Variants in IQCF3 observed in about 807,000 individuals in gnomAD.
IQCF3 encodes IQ motif containing F3, also known as IQ domain-containing protein F3.
Under a neutral mutation model 5.1 loss-of-function variants are expected in IQCF3, and 7 were observed. The ratio of observed to expected loss-of-function variants is 1.36; its 90% CI spans 0.78 to 2.56. The LOEUF is 2.56. IQCF3 is among the 30% of genes most tolerant of loss of function. The pLI is 0.00. For missense variants in IQCF3, 189 were observed against 196.5 expected (o/e 0.96, Z 0.23); for synonymous variants, 82 against 72.8 (o/e 1.13, Z -0.64).
At chr3:51,829,584 A>T (rs1460220416) in intron 1 of IQCF3, 81 bp from the exon 2 acceptor site, 1 of 1,594,814 alleles carries the variant, frequency 6.3e-7, no homozygotes, top group Non-Finnish European at 8.6e-7. Flanking sequence ...CCAGGCAAAG[A>T]ATGGGGAACT....
chr3:51,827,548 T>A (rs1460307593), upstream of IQCF3, among the ~76,000 whole-genome samples: 1 of 151,990 alleles, frequency 6.6e-6, no homozygotes, highest in South Asian at 2.1e-4. Context: ...ATAATTTTTA[T>A]AAATGCTAGA....
rs146014118 is a variant in IQCF3, at chr3:51,830,796, A to G, written c.460A>G (p.Ile154Val). 1.3e-6 allele frequency: 2 copies of G among 1,572,558 alleles called. No individual in the cohort carries two copies. The highest frequency in any genetic ancestry group is 2.2e-5 in the East Asian group (1 of 44,478). The change falls in exon 3 of 3, where the codon ATC becomes GTC. Residue 154 changes from isoleucine (I) to valine (V), a missense_variant. Physicochemically the swap from Ile to Val is conservative, Grantham distance 29 (BLOSUM62 3). Transcript: ENST00000440739. This position sits in a 1 kb window ranked among gnomAD's most constrained non-coding sequence, Gnocchi z 4.1. Reference sequence around the variant, plus strand: ...AGAGTTCCACATTGAAATCCTATCAATCTGAAAGGCCTGGGGCATGGAGAA... The same window carrying G: ...AGAGTTCCACATTGAAATCCTATCAGTCTGAAAGGCCTGGGGCATGGAGAA... ...QPEFHIEILS[I>V]
intron 2 of IQCF3, 146 bp downstream of exon 2, chr3:51,829,858 G>T: frequency 1.3e-6 from 1 of 770,430 alleles, no homozygotes; most frequent in Non-Finnish European, 2.1e-6. Context: ...AGTAAGGTAT[G>T]GAGATAGACA....
Position 51,829,647 on chromosome 3 carries a change from C to G in IQCF3, c.19-18C>G. 1 of 1,613,214 alleles carries G rather than the reference C, an allele frequency of 6.2e-7. No individual in the cohort carries two copies. The highest frequency in any genetic ancestry group is 8.5e-7 in the Non-Finnish European group (1 of 1,179,694). ...TGGTCCTCACCCATGCTCCCCCACACCCATATTCCGATTGCAGAAAGGTGG... is the reference window on the plus strand; with the variant it reads ...TGGTCCTCACCCATGCTCCCCCACAGCCATATTCCGATTGCAGAAAGGTGG... On this transcript the variant is annotated intron_variant, in intron 1 of 2. Transcript: ENST00000440739.
chr3:51,830,840 T>C lies in IQCF3; in HGVS notation c.*39T>C, dbSNP rs374525175. On this transcript the variant is annotated 3_prime_UTR_variant, in exon 3 of 3. Transcript: ENST00000440739. The surrounding 1 kb of genome is among the most constrained non-coding windows in gnomAD (Gnocchi z 4.1). ...TGGAGAACAGGCTGCACTACCCTAA[T>C]AAATGTCTGACCAGGTTGTGTGAGT... 2.6e-6 allele frequency: 4 copies of C among 1,518,164 alleles called. No individual in the cohort carries two copies. Among genetic ancestry groups the C allele is most frequent in the Admixed American group, 2.1e-5 (1 of 47,608 alleles). The allele number at this position is 1,518,164 out of a possible 1,614,324, so 94.0% of individuals were successfully genotyped here.
At position 51,830,004 on chromosome 3, in the gene IQCF3, C is replaced by G. The variant is rs1357945116; in HGVS notation, c.66+292C>G. On this transcript the variant is annotated intron_variant, in intron 2 of 2. Coordinates refer to ENST00000440739, the MANE Select transcript of IQCF3 (RefSeq NM_001393887.1). This position sits in a 1 kb window ranked among gnomAD's most constrained non-coding sequence, Gnocchi z 4.1. ...CCACAAAAGTGAGATGAGGGGAGACCCCAAAGGGCTGCAGCACCACGCAAG... is the reference window on the plus strand; with the variant it reads ...CCACAAAAGTGAGATGAGGGGAGACGCCAAAGGGCTGCAGCACCACGCAAG... The G allele has an allele frequency of 2.0e-6, 1 of 492,330 alleles. No homozygotes were observed. The highest frequency in any genetic ancestry group is 1.9e-5 in the African/African-American group (1 of 52,152). 30.5% of individuals were successfully genotyped at this position (492,330 alleles called of 1,614,324 possible).
upstream of IQCF3, chr3:51,828,353 A>G (rs1698317551): frequency 6.6e-6 from 1 of 152,124 alleles, no homozygotes; most frequent in South Asian, 2.1e-4. Flanking sequence ...TCCCTTCAGT[A>G]CCTAGTTTAT....
At position 51,830,474 on chromosome 3, in the gene IQCF3, G is replaced by A; in HGVS notation, c.138G>A (p.Gly46=). The A allele has an allele frequency of 6.2e-7, 1 of 1,608,656 alleles. No homozygotes were observed. The highest frequency in any genetic ancestry group is 8.5e-7 in the Non-Finnish European group (1 of 1,177,638). ...AAGQIQAWWR[G]VLVRRTLLVA... ...GGCAGATCCAGGCCTGGTGGCGTGG[G>A]GTCCTGGTGCGCAGGACCCTGCTGG... The change falls in exon 3 of 3, where the codon GGG becomes GGA. Residue 46 remains glycine, a synonymous_variant. Coordinates refer to ENST00000440739, the MANE Select transcript of IQCF3 (RefSeq NM_001393887.1). This position sits in a 1 kb window ranked among gnomAD's most constrained non-coding sequence, Gnocchi z 4.1.
At position 51,830,612 on chromosome 3, in the gene IQCF3, G is replaced by A. The variant is rs374017167; in HGVS notation, c.276G>A (p.Ala92=). The A allele has an allele frequency of 1.5e-4, 235 of 1,613,968 alleles. No homozygotes were observed. The African/African-American group carries it at 2.8e-3, about 19-fold the overall frequency. Residue 92 remains alanine (A), a synonymous_variant, in exon 3 of 3, where the codon GCG becomes GCA. Transcript: ENST00000440739. The surrounding 1 kb of genome is among the most constrained non-coding windows in gnomAD (Gnocchi z 4.1). ...LLRVYVIQEQ[A]TVKLQSCIRM... ...GGGTCTACGTCATCCAGGAGCAGGCGACGGTCAAGCTCCAGTCCTGCATCC... is the reference window on the plus strand; with the variant it reads ...GGGTCTACGTCATCCAGGAGCAGGCAACGGTCAAGCTCCAGTCCTGCATCC...
rs1193504368 is a variant in IQCF3, at chr3:51,830,808, TG to T, written c.*11del. On this transcript the variant is annotated 3_prime_UTR_variant, in exon 3 of 3. Transcript: ENST00000440739. The surrounding 1 kb of genome is among the most constrained non-coding windows in gnomAD (Gnocchi z 4.1). ...TGAAATCCTATCAATCTGAAAGGCCTGGGGCATGGAGAACAGGCTGCACTAC... is the reference window on the plus strand; with the variant it reads ...TGAAATCCTATCAATCTGAAAGGCCTGGGCATGGAGAACAGGCTGCACTAC... 1 of 1,559,190 alleles carries T rather than the reference TG, an allele frequency of 6.4e-7. No homozygotes were observed. Among genetic ancestry groups the T allele is most frequent in the Non-Finnish European group, 8.7e-7 (1 of 1,150,614 alleles).
In IQCF3 at chr3:51,830,398, G is replaced by A; in HGVS notation, c.67-5G>A. On this transcript the variant is annotated splice_region_variant and splice_polypyrimidine_tract_variant and intron_variant, in intron 2 of 2. Coordinates refer to ENST00000440739, the MANE Select transcript of IQCF3 (RefSeq NM_001393887.1). This position sits in a 1 kb window ranked among gnomAD's most constrained non-coding sequence, Gnocchi z 4.1. The stretch of plus-strand genomic sequence containing the variant: ...CACTGGGAGTCCTCTGCTTTGCTTG[G>A]CCAGTTGCTTCTTGCACAACTGCAT... The A allele has an allele frequency of 6.5e-7, 1 of 1,529,348 alleles. No individual in the cohort carries two copies. Among genetic ancestry groups the A allele is most frequent in the South Asian group, 1.3e-5 (1 of 76,794 alleles). The allele number at this position is 1,529,348 out of a possible 1,614,324, so 94.7% of individuals were successfully genotyped here. A position where few individuals can be genotyped will look rare whatever the true frequency, so the allele number is the denominator to read the frequency against.
upstream of IQCF3, chr3:51,827,180 T>A (rs1253131750): frequency 6.6e-6 from 1 of 152,224 alleles, no homozygotes; most frequent in African/African-American, 2.4e-5. Context: ...CATGAAAGGC[T>A]ATGTCACAGC....
Position 51,829,710 on chromosome 3 carries a change from A to T in IQCF3, c.64A>T (p.Lys22Ter). Residue 22 changes from lysine (K) to a stop codon, truncating the protein, a stop_gained and splice_region_variant, in exon 2 of 3, where the codon AAG (lysine) becomes TAG (stop). Coordinates refer to ENST00000440739, the MANE Select transcript of IQCF3 (RefSeq NM_001393887.1). LOFTEE classifies it low-confidence loss of function (END_TRUNC). ...TGCAGTAGAAAGACAGAGGCGGCAG[A>T]AGGTAGGTGGGGCCCAGGAGGGTGA... Reference protein sequence around the residue: ...EDAVERQRRQKLLLAQLHHRK... With the variant: ...EDAVERQRRQ 2 of 1,613,690 alleles carry T rather than the reference A, an allele frequency of 1.2e-6. No homozygotes were observed. The highest frequency in any genetic ancestry group is 1.7e-6 in the Non-Finnish European group (2 of 1,179,778).
upstream of IQCF3, chr3:51,829,207 C>A: frequency 7.8e-6 from 4 of 515,806 alleles, no homozygotes; most frequent in South Asian, 7.2e-5. Flanking sequence ...GGAAAGGCAA[C>A]CATGAAAAAA....
At chr3:51,827,972 A>C (rs372740937), upstream of IQCF3, among the ~76,000 whole-genome samples, 3 of 152,168 alleles carry the variant, frequency 2.0e-5, no homozygotes, top group Non-Finnish European at 4.4e-5. Flanking sequence ...GACAGCCTGC[A>C]GAACTGTGAG....
At chr3:51,828,179 T>G (rs573169599), upstream of IQCF3, 3 of 152,328 alleles carry the variant, frequency 2.0e-5, no homozygotes, top group East Asian at 5.8e-4. Context: ...CTTGATGTTC[T>G]GAAGCTACAA....
chr3:51,829,414 C>T (rs1698333719), upstream of IQCF3: 2 of 1,564,546 alleles, frequency 1.3e-6, no homozygotes, highest in Non-Finnish European at 1.7e-6. Context: ...CTTTCCTGCC[C>T]CTGCCAAGAT....
At chr3:51,828,435 T>A (rs1698319268), upstream of IQCF3, 1 of 152,252 alleles carries the variant, frequency 6.6e-6, no homozygotes, top group South Asian at 2.1e-4. Context: ...GATAATCATG[T>A]GGTTTTTGTC....
rs2107194150 is a variant in IQCF3, at chr3:51,829,706, G to A, written c.60G>A (p.Arg20=). The change falls in exon 2 of 3, where the codon CGG becomes CGA. Residue 20 remains arginine, a synonymous_variant. Coordinates refer to ENST00000440739, the MANE Select transcript of IQCF3 (RefSeq NM_001393887.1). ...AAGATGCAGTAGAAAGACAGAGGCG[G>A]CAGAAGGTAGGTGGGGCCCAGGAGG... ...PDEDAVERQR[R]QKLLLAQLHH... is the part of the protein sequence containing the mutation. The A allele has an allele frequency of 6.2e-7, 1 of 1,613,708 alleles. No homozygotes were observed. The highest frequency in any genetic ancestry group is 2.2e-5 in the East Asian group (1 of 44,886).
Sources: allele counts gnomAD v4.1 joint callset (sites outside exome capture counted in the v4.1 genomes callset), GRCh38; gene constraint gnomAD v4.1.1; non-coding constraint Gnocchi (gnomAD v3.1); transcripts MANE v1.5; gene names NCBI Gene and HGNC (gene_info 2026-07-23, HGNC 2026-07-21).